PPP4R3B: variants seen among roughly 807,000 people sequenced by gnomAD.
PPP4R3B encodes serine/threonine-protein phosphatase 4 regulatory subunit 3B.
PPP4R3B carries 52 observed loss-of-function variants against 95.4 expected under a neutral mutation model. The ratio of observed to expected loss-of-function variants is 0.54; its 90% CI spans 0.44 to 0.69. PPP4R3B has a LOEUF of 0.69. Ranked by LOEUF, PPP4R3B falls within the 30% of genes least tolerant of loss-of-function variation. The pLI is 0.00. For missense variants in PPP4R3B, 1,003 were observed against 1,005.9 expected (o/e 1.00, Z 0.04); for synonymous variants, 407 against 343.9 (o/e 1.18, Z -2.03).
intron 2 of PPP4R3B, among the ~76,000 whole-genome samples, chr2:55,613,415 A>C (rs899356310): frequency 4.0e-5 from 6 of 151,888 alleles, no homozygotes; most frequent in African/African-American, 1.2e-4. Flanking sequence ...TATATTATTT[A>C]AATGTGATTA....
At chr2:55,579,864 G>T in intron 8 of PPP4R3B, 83 bp from the exon 9 acceptor site, 1 of 748,002 alleles carries the variant, frequency 1.3e-6, no homozygotes, top group Non-Finnish European at 2.1e-6. Context: ...ACCTTTTCCA[G>T]AACCAAACCA....
intron 11 of PPP4R3B, 109 bp from the exon 12 acceptor site, chr2:55,573,886 CTTTTTTTTT>C (rs369126683): frequency 1.2e-4 from 34 of 277,646 alleles, no homozygotes; most frequent in Non-Finnish European, 1.7e-4. Flanking sequence ...GTATTTCCTC[CTTTTTTTTT>C]TTTTTTTTTT....
chr2:55,598,319 A>C, intron 4 of PPP4R3B, 97 bp downstream of exon 4: 2 of 1,253,056 alleles, frequency 1.6e-6, no homozygotes, highest in East Asian at 5.0e-5. Context: ...AAACAAAATA[A>C]ATCTTTCAAA....
At chr2:55,573,885 CCTT>C in intron 11 of PPP4R3B, 108 bp from the exon 12 acceptor site, 2 of 479,472 alleles carry the variant, frequency 4.2e-6, no homozygotes, top group Middle Eastern at 6.7e-4. Context: ...TGTATTTCCT[CCTT>C]TTTTTTTTTT....
intron 14 of PPP4R3B, 147 bp downstream of exon 14, chr2:55,564,754 AG>A: frequency 1.2e-6 from 1 of 853,994 alleles, no homozygotes; most frequent in Non-Finnish European, 1.8e-6. Context: ...GATATGGGGT[AG>A]GGGGGACGCC....
At position 55,581,712 on chromosome 2, in the gene PPP4R3B, A is replaced by C; in HGVS notation, c.1234-14T>G. 1.9e-6 allele frequency: 3 copies of C among 1,607,544 alleles called. No homozygotes were observed. Among genetic ancestry groups the C allele is most frequent in the Non-Finnish European group, 2.5e-6 (3 of 1,178,224 alleles). On this transcript the variant is annotated splice_polypyrimidine_tract_variant and intron_variant, in intron 7 of 16. Transcript: ENST00000616407. ...AAGAAGAATATCCTGGTGGCAAAACAAAACAAAACAAAACATGTTTCCATT... is the reference window on the plus strand; with the variant it reads ...AAGAAGAATATCCTGGTGGCAAAACCAAACAAAACAAAACATGTTTCCATT...
At position 55,549,838 on chromosome 2, in the gene PPP4R3B, G is replaced by T; in HGVS notation, c.*73C>A. 1 of 1,130,638 alleles carries T rather than the reference G, an allele frequency of 8.8e-7. No homozygotes were observed. Among genetic ancestry groups the T allele is most frequent in the Non-Finnish European group, 1.3e-6 (1 of 743,458 alleles). 70.0% of individuals were successfully genotyped at this position (1,130,638 alleles called of 1,614,324 possible). ...ATAAGTTCAATTGAGAAAGCTTTCT[G>T]ATTCAGATTTTCAGCTCACTGAACA... is the stretch of plus-strand genomic sequence containing the variant. On this transcript the variant is annotated 3_prime_UTR_variant, in exon 17 of 17. Coordinates refer to ENST00000616407, the MANE Select transcript of PPP4R3B (RefSeq NM_001122964.3).
rs565153502 is a variant in PPP4R3B, at chr2:55,608,631, CTAT to C, written c.199-4558_199-4556del. 1.2e-4 allele frequency among the ~76,000 whole-genome samples: 18 copies of C among 152,276 alleles called. No homozygotes were observed. The South Asian group carries it at 1.5e-3, about 12-fold the overall frequency. On this transcript the variant is annotated intron_variant, in intron 2 of 16. Transcript: ENST00000616407. ...TTCTCTTCAATTCCACAGATTGATA[CTAT>C]TAAGTATTTTGGATCATGTCATCAC...
At position 55,564,883 on chromosome 2, in the gene PPP4R3B, C is replaced by T. The variant is rs760904437; in HGVS notation, c.2075+19G>A. 1 of 1,603,498 alleles carries T rather than the reference C, an allele frequency of 6.2e-7. No homozygotes were observed. Among genetic ancestry groups the T allele is most frequent in the South Asian group, 1.1e-5 (1 of 88,214 alleles). ...GACACAGTTTTGTAGGCTATAAAAG[C>T]AGTATACTTAAACAATACCTGTTCA... On this transcript the variant is annotated intron_variant, in intron 14 of 16. Transcript: ENST00000616407.
intron 2 of PPP4R3B, among the ~76,000 whole-genome samples, chr2:55,612,219 T>C (rs982845823): frequency 4.6e-5 from 7 of 152,084 alleles, no homozygotes; most frequent in African/African-American, 9.7e-5. Context: ...CTGGGCATCA[T>C]AGCAAGATCC....
Position 55,564,405 on chromosome 2 carries a change from T to C in PPP4R3B, c.2168A>G (p.Glu723Gly). 1 of 1,613,930 alleles carries C rather than the reference T, an allele frequency of 6.2e-7. No homozygotes were observed. The highest frequency in any genetic ancestry group is 1.3e-5 in the African/African-American group (1 of 75,058). The part of the protein sequence containing the change: ...EEMWFNEDEE[E>G]EGKAVVAPVE... ...TGGTGCCACAACTGCTTTTCCTTCCTCTTCTTCATCTTCATTAAACCACAT... is the reference window on the plus strand; with the variant it reads ...TGGTGCCACAACTGCTTTTCCTTCCCCTTCTTCATCTTCATTAAACCACAT... Residue 723 changes from glutamate (E) to glycine (G), a missense_variant, in exon 15 of 17, where the codon GAG becomes GGG. Glu to Gly is a moderately conservative substitution (Grantham distance 98). Transcript: ENST00000616407.
chr2:55,616,439 T>C (rs1694940158), intron 1 of PPP4R3B: 1 of 152,254 alleles, frequency 6.6e-6, no homozygotes, highest in Admixed American at 6.5e-5. Flanking sequence ...TAAAAGGCAT[T>C]TTAATTACGG....
intron 13 of PPP4R3B, 74 bp from the exon 14 acceptor site, chr2:55,565,115 T>C: frequency 1.6e-6 from 2 of 1,253,538 alleles, no homozygotes; most frequent in Non-Finnish European, 2.1e-6. Flanking sequence ...AATTTTGTTT[T>C]GTAGTTCTAA....
intron 2 of PPP4R3B, among the ~76,000 whole-genome samples, chr2:55,604,942 C>T (rs1224362936): frequency 6.6e-6 from 1 of 151,946 alleles, no homozygotes; most frequent in Non-Finnish European, 1.5e-5. Context: ...TAGGCCCCAG[C>T]AATCCTCCCA....
intron 15 of PPP4R3B, among the ~76,000 whole-genome samples, chr2:55,559,768 A>T (rs1169018864): frequency 6.6e-6 from 1 of 152,190 alleles, no homozygotes; most frequent in Non-Finnish European, 1.5e-5. Context: ...AGTTCTTTAG[A>T]GCAGTGTGAA....
intron 5 of PPP4R3B, among the ~76,000 whole-genome samples, chr2:55,587,121 C>A (rs773805750): frequency 6.6e-6 from 1 of 152,122 alleles, no homozygotes; most frequent in African/African-American, 2.4e-5. Flanking sequence ...TATAGGTCAA[C>A]AGAGATATTT....
intron 5 of PPP4R3B, among the ~76,000 whole-genome samples, chr2:55,588,357 T>C (rs763529156): frequency 6.6e-6 from 1 of 151,698 alleles, no homozygotes; most frequent in East Asian, 1.9e-4. Context: ...CTACTAAAAA[T>C]ACAAAATTAG....
rs770258878 is a variant in PPP4R3B at position 55,598,864 on chromosome 2, C to T, written c.473G>A (p.Arg158His). The change falls in exon 4 of 17, where the codon CGT becomes CAT. Residue 158 changes from arginine to histidine, a missense_variant. Arg to His is a conservative substitution (Grantham distance 29). Transcript: ENST00000616407. ...CAAGGCGAGAGCCAGCTTTTCCCTA[C>T]GGATAGGTGAGGAGAGCACTGAGGT... is the stretch of plus-strand genomic sequence containing the variant. ...LVTSVLSSPI[R>H]REKLALALEN... 7.4e-6 allele frequency: 12 copies of T among 1,614,184 alleles called. No individual in the cohort carries two copies. The highest frequency in any genetic ancestry group is 1.7e-5 in the Admixed American group (1 of 60,026).
intron 4 of PPP4R3B, among the ~76,000 whole-genome samples, chr2:55,597,478 T>A (rs1305551326): frequency 1.3e-5 from 2 of 152,016 alleles, no homozygotes; most frequent in Non-Finnish European, 2.9e-5. Context: ...AAAAATTAGC[T>A]GGGCGTGATG....
Sources: allele counts gnomAD v4.1 joint callset (sites outside exome capture counted in the v4.1 genomes callset), GRCh38; gene constraint gnomAD v4.1.1; transcripts MANE v1.5; gene names NCBI Gene and HGNC (gene_info 2026-07-23, HGNC 2026-07-21).